The following RAB30 variants were observed in gnomAD, a reference collection of about 807,000 sequenced individuals.
The protein encoded by RAB30 is RAB30, member RAS oncogene family, also known as ras-related protein Rab-30.
In RAB30, 9 loss-of-function variants were observed where a neutral mutation model predicts 25.1. The ratio of observed to expected loss-of-function variants is 0.36; its 90% CI spans 0.22 to 0.63. The LOEUF (loss-of-function observed/expected upper bound fraction) is 0.63, where lower values mean the gene tolerates loss of function less well. Among genes scored for constraint, RAB30 ranks in the 20% least tolerant of loss-of-function variants. The pLI is 0.69. For synonymous variants in RAB30, 77 were observed against 86.4 expected, an observed-to-expected ratio of 0.89 and a Z score of 0.60; for missense variants, 140 against 243.5, an observed-to-expected ratio of 0.58 and a Z score of 2.83.
chr11:83,069,491 G>A (rs1237054371), intron 1 of RAB30, among the ~76,000 whole-genome samples: 1 of 152,152 alleles, frequency 6.6e-6, no homozygotes, highest in Admixed American at 6.5e-5. Context: ...GGTGGGTGGG[G>A]AACTGTTGTC....
chr11:83,015,781 A>G (rs2121504431), intron 1 of RAB30, among the ~76,000 whole-genome samples: 1 of 152,332 alleles, frequency 6.6e-6, no homozygotes, highest in Non-Finnish European at 1.5e-5. Flanking sequence ...ATCAAGAAGT[A>G]GAGTGTCAAA....
intron 1 of RAB30, among the ~76,000 whole-genome samples, chr11:83,036,098 A>G (rs1385940474): frequency 1.3e-5 from 2 of 152,174 alleles, no homozygotes; most frequent in African/African-American, 4.8e-5. Context: ...AGATGAGGCA[A>G]CTAAAGCCCA....
intron 1 of RAB30, among the ~76,000 whole-genome samples, chr11:83,067,483 G>A (rs1457184137): frequency 6.6e-6 from 1 of 152,156 alleles, no homozygotes; most frequent in Non-Finnish European, 1.5e-5. Context: ...CAGCAAGAGT[G>A]AAAGATCTTA....
At position 82,975,172 on chromosome 11, in the gene RAB30, A is replaced by G. The variant is rs1453861228; in HGVS notation, c.*6993T>C. The G allele has an allele frequency of 6.6e-6, 1 of 152,196 alleles. No individual in the cohort carries two copies. The highest frequency in any genetic ancestry group is 2.4e-5 in the African/African-American group (1 of 41,466). 9.4% of individuals were successfully genotyped at this position (152,196 alleles called of 1,614,324 possible). ...TAAGAGGATTTTACATTTTTAAAAAATAAATCAATTAACATTCATTGTCAA... is the reference window on the plus strand; with the variant it reads ...TAAGAGGATTTTACATTTTTAAAAAGTAAATCAATTAACATTCATTGTCAA... On this transcript the variant is annotated 3_prime_UTR_variant, in exon 5 of 5. Coordinates refer to ENST00000527633, the MANE Select transcript of RAB30 (RefSeq NM_001286060.2).
chr11:83,008,071 C>A (rs1490722082), intron 1 of RAB30, among the ~76,000 whole-genome samples: 1 of 152,212 alleles, frequency 6.6e-6, no homozygotes, highest in Non-Finnish European at 1.5e-5. Flanking sequence ...TCTGCAGAAG[C>A]TTCCCTGCGC....
intron 1 of RAB30, chr11:83,033,987 C>T (rs548362690): frequency 1.3e-4 from 20 of 152,348 alleles, no homozygotes; most frequent in African/African-American, 4.8e-4. Context: ...CATCTGTCCT[C>T]AAGAGCAAGT....
In RAB30 at chr11:82,989,145, C is replaced by A. The variant is rs187128226; in HGVS notation, c.178-1375G>T. Among the ~76,000 whole-genome samples the A allele has an allele frequency of 3.4e-3, 511 of 152,232 alleles. 3 individuals are homozygous for A. Among genetic ancestry groups the A allele is most frequent in the Non-Finnish European group, 6.1e-3 (416 of 68,006 alleles). On this transcript the variant is annotated intron_variant, in intron 3 of 4. Coordinates refer to ENST00000527633, the MANE Select transcript of RAB30 (RefSeq NM_001286060.2). ...ATCCAGTGAGGTAGGCAAGTGTACACCTCCCCGTATTAATGGAAACTGTCC... is the reference window on the plus strand; with the variant it reads ...ATCCAGTGAGGTAGGCAAGTGTACAACTCCCCGTATTAATGGAAACTGTCC...
At chr11:83,045,656 C>T (rs897663219) in intron 1 of RAB30, among the ~76,000 whole-genome samples, 2 of 152,162 alleles carry the variant, frequency 1.3e-5, no homozygotes, top group African/African-American at 4.8e-5. Flanking sequence ...ATTGACTTAA[C>T]CTGTACAAGT....
rs532736733 is a variant in RAB30 at position 82,974,945 on chromosome 11, C to CTTTTTTT, written c.*7213_*7219dup. 7.6e-6 allele frequency: 1 copy of CTTTTTTT among 130,878 alleles called. No homozygotes were observed. Among genetic ancestry groups the CTTTTTTT allele is most frequent in the Non-Finnish European group, 1.6e-5 (1 of 61,906 alleles). The allele number at this position is 130,878 out of a possible 1,614,324, so 8.1% of individuals were successfully genotyped here. On this transcript the variant is annotated 3_prime_UTR_variant, in exon 5 of 5. Coordinates refer to ENST00000527633, the MANE Select transcript of RAB30 (RefSeq NM_001286060.2). Reference sequence around the variant, plus strand: ...TTTTGAGCAGAGTTTGTTGTTTTTTCTTTTTTTTTTTTTTTTTGCTGAAAA... The same window carrying CTTTTTTT: ...TTTTGAGCAGAGTTTGTTGTTTTTTCTTTTTTTTTTTTTTTTTTTTTTTTGCTGAAAA...
chr11:83,016,448 G>A (rs982386839), intron 1 of RAB30, among the ~76,000 whole-genome samples: 4 of 152,138 alleles, frequency 2.6e-5, no homozygotes, highest in Non-Finnish European at 5.9e-5. Context: ...ATTTGGGAAG[G>A]TTGGTTTCTT....
chr11:83,043,106 G>A (rs1465869772), intron 1 of RAB30, among the ~76,000 whole-genome samples: 1 of 152,178 alleles, frequency 6.6e-6, no homozygotes, highest in Non-Finnish European at 1.5e-5. Flanking sequence ...CCATCAAGAG[G>A]AGCATGTGAC....
intron 1 of RAB30, among the ~76,000 whole-genome samples, chr11:83,001,366 A>G (rs531373606): frequency 6.6e-6 from 1 of 152,082 alleles, no homozygotes; most frequent in African/African-American, 2.4e-5. Context: ...TTTTGTAGAG[A>G]CAGGGTCTCA....
chr11:83,042,641 G>A (rs1262579466), intron 1 of RAB30, among the ~76,000 whole-genome samples: 1 of 152,114 alleles, frequency 6.6e-6, no homozygotes, highest in Non-Finnish European at 1.5e-5. Context: ...CCCACTTTAG[G>A]CAGTGATTCC....
intron 1 of RAB30, among the ~76,000 whole-genome samples, chr11:83,009,653 C>G (rs1052652098): frequency 2.0e-5 from 3 of 152,072 alleles, no homozygotes; most frequent in Admixed American, 6.6e-5. Context: ...TAACAAAAGA[C>G]CAGAGAGGTC....
At chr11:82,992,289 A>C (rs1856866310) in intron 3 of RAB30, 1 of 455,924 alleles carries the variant, frequency 2.2e-6, no homozygotes, top group Admixed American at 2.4e-5. Flanking sequence ...TTCACTTTTT[A>C]GTTAGCATTT....
chr11:83,020,054 C>T (rs995397178), intron 1 of RAB30, among the ~76,000 whole-genome samples: 6 of 152,260 alleles, frequency 3.9e-5, no homozygotes, highest in Non-Finnish European at 8.8e-5. Flanking sequence ...GCAGGAGCTC[C>T]ACCCCTTCTG....
rs1275143801 is a variant in RAB30, at chr11:82,973,599, T to C, written c.*8566A>G. On this transcript the variant is annotated 3_prime_UTR_variant, in exon 5 of 5. Coordinates refer to ENST00000527633, the MANE Select transcript of RAB30 (RefSeq NM_001286060.2). ...TTATCACATCTAAATGACAGGCTCA[T>C]AGAAAAATTCTTATGGATGTATTGG... The C allele has an allele frequency of 1.3e-5, 2 of 152,214 alleles. No individual in the cohort carries two copies. The highest frequency in any genetic ancestry group is 2.9e-5 in the Non-Finnish European group (2 of 68,032). 9.4% of individuals were successfully genotyped at this position (152,214 alleles called of 1,614,324 possible).
chr11:83,016,383 A>C (rs1461357909), intron 1 of RAB30, among the ~76,000 whole-genome samples: 2 of 152,236 alleles, frequency 1.3e-5, no homozygotes, highest in African/African-American at 2.4e-5. Context: ...TTTTAAGTTA[A>C]AAAATAAATT....
At chr11:83,037,463 T>G (rs1170055287) in intron 1 of RAB30, among the ~76,000 whole-genome samples, 1 of 152,198 alleles carries the variant, frequency 6.6e-6, no homozygotes, top group Non-Finnish European at 1.5e-5. Context: ...TTGGCCGGAC[T>G]GGTCTTGAAC....
Sources: allele counts gnomAD v4.1 joint callset (sites outside exome capture counted in the v4.1 genomes callset), GRCh38; gene constraint gnomAD v4.1.1; transcripts MANE v1.5; gene names NCBI Gene and HGNC (gene_info 2026-07-23, HGNC 2026-07-21).